Variants in BPIFB1 observed in about 807,000 individuals in gnomAD.
The protein encoded by BPIFB1 is BPI fold containing family B member 1.
BPIFB1 carries 34 observed loss-of-function variants against 55.1 expected under a neutral mutation model. The ratio of observed to expected loss-of-function variants is 0.62; its 90% confidence interval spans 0.47 to 0.82. BPIFB1 has a LOEUF of 0.82. Ranked by LOEUF, BPIFB1 falls within the 40% of genes least tolerant of loss-of-function variation. The pLI is 0.00. For missense variants in BPIFB1, 532 were observed against 593.1 expected (o/e 0.90, Z 1.07); for synonymous variants, 236 against 245.3 (o/e 0.96, Z 0.35).
chr20:33,295,756 AAGAG>A (rs1358922431), intron 6 of BPIFB1, among the ~76,000 whole-genome samples: 2 of 146,074 alleles, frequency 1.4e-5, no homozygotes, highest in East Asian at 2.0e-4. Flanking sequence ...GAGAGAGAGA[AAGAG>A]AGAGAGAAGA....
At chr20:33,302,576 C>G in intron 10 of BPIFB1, 164 bp downstream of exon 10, 2 of 761,540 alleles carry the variant, frequency 2.6e-6, no homozygotes, top group South Asian at 3.3e-5. Context: ...CCAGTTTGAC[C>G]TGAAGCAAAT....
chr20:33,295,625 A>C (rs984816744), intron 6 of BPIFB1, among the ~76,000 whole-genome samples: 3 of 151,256 alleles, frequency 2.0e-5, no homozygotes, highest in Admixed American at 2.0e-4. Flanking sequence ...TGAGACTCGA[A>C]AGAAGAAAGA....
chr20:33,299,447 C>G (rs1342459724), intron 7 of BPIFB1, among the ~76,000 whole-genome samples: 1 of 152,230 alleles, frequency 6.6e-6, no homozygotes, highest in African/African-American at 2.4e-5. Context: ...CATAGGGTGT[C>G]CAGACCCAGA....
At chr20:33,290,720 G>A (rs910023859) in intron 4 of BPIFB1, among the ~76,000 whole-genome samples, 1 of 152,176 alleles carries the variant, frequency 6.6e-6, no homozygotes, top group South Asian at 2.1e-4. Flanking sequence ...GTGAGACATC[G>A]GAGTAGGGGG....
chr20:33,294,106 T>G lies in BPIFB1; in HGVS notation c.597+2118T>G, dbSNP rs191172970. 7.1e-4 allele frequency among the ~76,000 whole-genome samples: 108 copies of G among 152,320 alleles called. 1 individual carries two copies. In the Middle Eastern group the frequency reaches 0.027, roughly 38 times the overall value. On this transcript the variant is annotated intron_variant, in intron 6 of 15. Coordinates refer to ENST00000253354, the MANE Select transcript of BPIFB1 (RefSeq NM_033197.3). The stretch of plus-strand genomic sequence containing the variant: ...TAGTAAAGCTTAAGAGTAGCATGTA[T>G]AGTCAAAGGAAGATCCATTATTTTA...
intron 4 of BPIFB1, 60 bp downstream of exon 4, chr20:33,290,052 C>T: frequency 7.7e-7 from 1 of 1,306,232 alleles, no homozygotes; most frequent in South Asian, 1.2e-5. Context: ...CGTTCCCCCT[C>T]CCCCGCCCCC....
chr20:33,309,625 C>T lies in BPIFB1; in HGVS notation c.1396-83C>T. 4 of 1,370,540 alleles carry T rather than the reference C, an allele frequency of 2.9e-6. No homozygotes were observed. The highest frequency in any genetic ancestry group is 3.6e-4 in the Middle Eastern group (2 of 5,582). 84.9% of individuals were successfully genotyped at this position (1,370,540 alleles called of 1,614,324 possible). A position where few individuals can be genotyped will look rare whatever the true frequency, so the allele number is the denominator to read the frequency against. Reference sequence around the variant, plus strand: ...CATGGTCCCCCGGTGCCAGCAGTCACCTTATGGAGGACAAAACCAGCATAA... The same window carrying T: ...CATGGTCCCCCGGTGCCAGCAGTCATCTTATGGAGGACAAAACCAGCATAA... On this transcript the variant is annotated intron_variant, in intron 15 of 15. Transcript: ENST00000253354. The surrounding 1 kb of genome is among the most constrained non-coding windows in gnomAD (Gnocchi z 4.4).
At chr20:33,295,004 C>G (rs1325438467) in intron 6 of BPIFB1, among the ~76,000 whole-genome samples, 2 of 152,030 alleles carry the variant, frequency 1.3e-5, no homozygotes, top group African/African-American at 4.8e-5. Flanking sequence ...CCCCTGAGAT[C>G]AGGAGCTTGA....
chr20:33,302,824 C>G (rs1429340817), intron 10 of BPIFB1, 92 bp from the exon 11 acceptor site: 16 of 1,453,420 alleles, frequency 1.1e-5, no homozygotes, highest in Admixed American at 5.7e-5. Context: ...AGCAGGGAGC[C>G]CAGGAAGGCA....
At chr20:33,298,990 T>TGG in intron 7 of BPIFB1, 1 of 319,870 alleles carries the variant, frequency 3.1e-6, no homozygotes, top group Non-Finnish European at 6.2e-6. Flanking sequence ...TTTTTTTTTT[T>TGG]TGGAGACGGA....
Position 33,299,931 on chromosome 20 carries a change from TTTGACC to T in BPIFB1, c.697_702del (p.Asp233_Leu234del), listed in dbSNP as rs762461214. The T allele has an allele frequency of 3.2e-5, 51 of 1,613,860 alleles. No homozygotes were observed. Among genetic ancestry groups the T allele is most frequent in the Non-Finnish European group, 4.3e-5 (51 of 1,179,970 alleles). The stretch of plus-strand genomic sequence containing the variant: ...TTCCCTCAGCATTGACCGTCTGGAG[TTTGACC>T]TTCTGTATCCTGCCATCAAGGGTGA... On this transcript the variant is annotated inframe_deletion, in exon 8 of 16. Coordinates refer to ENST00000253354, the MANE Select transcript of BPIFB1 (RefSeq NM_033197.3).
At chr20:33,308,598 C>A (rs1446735049) in intron 15 of BPIFB1, among the ~76,000 whole-genome samples, 9 of 104,192 alleles carry the variant, frequency 8.6e-5, no homozygotes, top group Non-Finnish European at 1.2e-4. Flanking sequence ...ACACATACAC[C>A]TTTATACACA....
rs772422147 is a variant in BPIFB1 at position 33,306,101 on chromosome 20, C to A, written c.1318+36C>A. 3.1e-6 allele frequency: 5 copies of A among 1,610,290 alleles called. No individual in the cohort carries two copies. The South Asian group carries it at 4.4e-5, about 14-fold the overall frequency. ...CTGCCATCTGTGCCCCCTCTCTCCC[C>A]AGGGCTTGGCTTTACTTCCCCTGCC... is the stretch of plus-strand genomic sequence containing the variant. On this transcript the variant is annotated intron_variant, in intron 14 of 15. Coordinates refer to ENST00000253354, the MANE Select transcript of BPIFB1 (RefSeq NM_033197.3).
At chr20:33,292,113 G>A (rs962659589) in intron 6 of BPIFB1, 125 bp downstream of exon 6, 24 of 876,924 alleles carry the variant, frequency 2.7e-5, no homozygotes, top group Admixed American at 6.1e-5. Context: ...AGAATTATCT[G>A]GGGCTGGATA....
chr20:33,285,010 T>C (rs894182180), intron 1 of BPIFB1, among the ~76,000 whole-genome samples: 1 of 152,174 alleles, frequency 6.6e-6, no homozygotes, highest in African/African-American at 2.4e-5. Context: ...ACCTGGCTCC[T>C]CATTTCCTTC....
At chr20:33,304,440 T>C (rs557828250) in intron 12 of BPIFB1, among the ~76,000 whole-genome samples, 80 of 152,292 alleles carry the variant, frequency 5.3e-4, no homozygotes, top group Non-Finnish European at 1.0e-3. Flanking sequence ...GCTCTTTTGA[T>C]CAGCCCACAT....
chr20:33,306,841 C>T, intron 14 of BPIFB1, 70 bp from the exon 15 acceptor site: 1 of 1,363,704 alleles, frequency 7.3e-7, no homozygotes. Flanking sequence ...CTTCAGGAAC[C>T]CTGAGCCTGC....
At chr20:33,308,776 TAC>T (rs58917463) in intron 15 of BPIFB1, among the ~76,000 whole-genome samples, 68,008 of 142,912 alleles carry the variant, frequency 0.48, 16,090 homozygotes, top group East Asian at 0.68. Context: ...ACATACACAC[TAC>T]ACACACACAC....
At chr20:33,302,532 A>C in intron 10 of BPIFB1, 120 bp downstream of exon 10, 2 of 1,097,978 alleles carry the variant, frequency 1.8e-6, no homozygotes, top group Non-Finnish European at 2.8e-6. Context: ...CTCAAACCGC[A>C]TCCCTGTCCG....
Sources: allele counts gnomAD v4.1 joint callset (sites outside exome capture counted in the v4.1 genomes callset), GRCh38; gene constraint gnomAD v4.1.1; non-coding constraint Gnocchi (gnomAD v3.1); transcripts MANE v1.5; gene names NCBI Gene and HGNC (gene_info 2026-07-23, HGNC 2026-07-21).